Variants in RBFOX2 observed in about 807,000 individuals in gnomAD.
RBFOX2 encodes RNA binding protein fox-1 homolog 2.
Under a neutral mutation model 49.1 loss-of-function variants are expected in RBFOX2, and 10 were observed. That is an observed-to-expected ratio of 0.20 (90% CI 0.13 to 0.35). The LOEUF (loss-of-function observed/expected upper bound fraction) is 0.35. Ranked by LOEUF, RBFOX2 falls within the 10% of genes least tolerant of loss-of-function variation. The pLI is 1.00. For synonymous variants in RBFOX2, 183 were observed against 187.4 expected, an observed-to-expected ratio of 0.98 and a Z score of 0.19; for missense variants, 323 against 486.9, an observed-to-expected ratio of 0.66 and a Z score of 3.17.
intron 1 of RBFOX2, among the ~76,000 whole-genome samples, chr22:35,859,348 T>C (rs986819329): frequency 6.6e-6 from 1 of 152,134 alleles, no homozygotes; most frequent in African/African-American, 2.4e-5. Flanking sequence ...CAGCATAGCA[T>C]ACATGAAGCC....
chr22:35,930,243 G>A (rs920405806), intron 1 of RBFOX2, among the ~76,000 whole-genome samples: 20 of 151,458 alleles, frequency 1.3e-4, no homozygotes, highest in African/African-American at 4.8e-4. Context: ...CTGGTTTCGA[G>A]CTCCAGACCT....
chr22:35,762,402 A>G (rs1431993066), intron 6 of RBFOX2, among the ~76,000 whole-genome samples: 2 of 150,748 alleles, frequency 1.3e-5, no homozygotes, highest in Admixed American at 1.3e-4. Flanking sequence ...TATATTATAT[A>G]TTTTCTGACT....
chr22:35,935,705 C>T (rs545785951), intron 1 of RBFOX2, among the ~76,000 whole-genome samples: 1 of 152,280 alleles, frequency 6.6e-6, no homozygotes, highest in South Asian at 2.1e-4. Flanking sequence ...TGGGCACATT[C>T]ACACGTGACC....
At chr22:35,894,376 G>A (rs1280454192) in intron 1 of RBFOX2, among the ~76,000 whole-genome samples, 3 of 152,142 alleles carry the variant, frequency 2.0e-5, no homozygotes, top group African/African-American at 7.2e-5. Context: ...AAAAGCTTAT[G>A]AAAGCTTATT....
upstream of RBFOX2, among the ~76,000 whole-genome samples, chr22:35,963,115 A>G (rs2056348349): frequency 6.6e-6 from 1 of 151,594 alleles, no homozygotes; most frequent in African/African-American, 2.4e-5. Flanking sequence ...ATTTAGTATA[A>G]TAACAGTCAT....
intron 1 of RBFOX2, among the ~76,000 whole-genome samples, chr22:35,936,496 C>T (rs2053091685): frequency 6.6e-6 from 1 of 152,144 alleles, no homozygotes; most frequent in Non-Finnish European, 1.5e-5. Flanking sequence ...ATTCTGTATT[C>T]ATCAAATACA....
chr22:35,947,672 T>TAAAAAA (rs559788717), intron 1 of RBFOX2, among the ~76,000 whole-genome samples: 50 of 34,098 alleles, frequency 1.5e-3, no homozygotes, highest in African/African-American at 4.0e-3. Context: ...GTTTAAAAAG[T>TAAAAAA]AAAAAAAAAA....
At chr22:35,765,619 C>T (rs1040015270) in intron 5 of RBFOX2, 136 bp from the exon 7 acceptor site, 2 of 433,426 alleles carry the variant, frequency 4.6e-6, no homozygotes, top group Middle Eastern at 5.2e-4. Context: ...ATTAACACAG[C>T]AATATAAAAT....
chr22:35,914,875 G>T (rs2050235474), intron 1 of RBFOX2, among the ~76,000 whole-genome samples: 1 of 152,192 alleles, frequency 6.6e-6, no homozygotes, highest in African/African-American at 2.4e-5. Context: ...GTTAACTTCT[G>T]ACCTTAATCA....
rs564770547 is a variant in RBFOX2 at position 35,850,615 on chromosome 22, A to C, written c.-33-40611T>G. Among the ~76,000 whole-genome samples the C allele has an allele frequency of 3.3e-5, 5 of 152,300 alleles. No homozygotes were observed. The South Asian group carries it at 6.2e-4, about 19-fold the overall frequency. On this transcript the variant is annotated intron_variant, in intron 1 of 13. Transcript: ENST00000359369. The stretch of plus-strand genomic sequence containing the variant: ...AAAAGCCAGTTGCTTTTCTCCTTTT[A>C]GGGAGCTGCTATACCCACCCTGCCA...
intron 1 of RBFOX2, among the ~76,000 whole-genome samples, chr22:35,846,217 T>A (rs947069389): frequency 6.7e-6 from 1 of 149,562 alleles, no homozygotes; most frequent in East Asian, 1.9e-4. Context: ...TATATAAGTA[T>A]AAACTATATA....
chr22:35,928,480 G>A (rs1200008490), intron 1 of RBFOX2, among the ~76,000 whole-genome samples: 4 of 152,174 alleles, frequency 2.6e-5, no homozygotes, highest in African/African-American at 2.4e-5. Context: ...AGCCAAGCAC[G>A]AAGCCACTAC....
chr22:35,787,907 C>A (rs986751717), intron 2 of RBFOX2, among the ~76,000 whole-genome samples: 2 of 152,206 alleles, frequency 1.3e-5, no homozygotes, highest in Admixed American at 1.3e-4. Flanking sequence ...AGAGTGAGGA[C>A]TAGCGGCAGT....
chr22:35,963,755 G>GTTT (rs2056398616), upstream of RBFOX2, among the ~76,000 whole-genome samples: 1 of 152,206 alleles, frequency 6.6e-6, no homozygotes, highest in African/African-American at 2.4e-5. Flanking sequence ...TGTTGTTGTT[G>GTTT]TTGTTTTTGC....
At chr22:35,984,897 G>A (rs1603462080) in intron 1 of RBFOX2, among the ~76,000 whole-genome samples, 1 of 152,034 alleles carries the variant, frequency 6.6e-6, no homozygotes. Flanking sequence ...AACAAATACC[G>A]AGAATTCACT....
At chr22:35,870,236 C>A (rs574799722) in intron 1 of RBFOX2, among the ~76,000 whole-genome samples, 1 of 152,084 alleles carries the variant, frequency 6.6e-6, no homozygotes, top group Non-Finnish European at 1.5e-5. Context: ...TGGTTGGGCA[C>A]GGTGGCTCAT....
chr22:35,850,703 A>AT (rs2041842666), intron 1 of RBFOX2, among the ~76,000 whole-genome samples: 1 of 152,190 alleles, frequency 6.6e-6, no homozygotes, highest in South Asian at 2.1e-4. Context: ...AGTAACAAAC[A>AT]TGGACAGGTG....
At chr22:36,008,307 G>C (rs2058692247) in intron 1 of RBFOX2, among the ~76,000 whole-genome samples, 1 of 151,996 alleles carries the variant, frequency 6.6e-6, no homozygotes, top group Non-Finnish European at 1.5e-5. Flanking sequence ...TTAACATGTG[G>C]TAAACATTCA....
intron 1 of RBFOX2, among the ~76,000 whole-genome samples, chr22:35,873,328 C>T (rs1241065425): frequency 6.6e-6 from 1 of 151,458 alleles, no homozygotes; most frequent in Non-Finnish European, 1.5e-5. Context: ...AACGGGGTCT[C>T]GTCATGTTGG....
Sources: gnomAD v4.1 joint callset for allele counts (sites outside exome capture counted in the v4.1 genomes callset) on GRCh38, gnomAD v4.1.1 for gene constraint, MANE v1.5 for transcripts, NCBI Gene and HGNC (gene_info 2026-07-23, HGNC 2026-07-21) for gene names.